The following CCDC192 variants were observed in gnomAD, a reference collection of about 807,000 sequenced individuals.
CCDC192 encodes coiled-coil domain-containing protein 192.
chr5:127,769,274 A>G (rs923018992), intron 3 of CCDC192, among the ~76,000 whole-genome samples: 1 of 152,232 alleles, frequency 6.6e-6, no homozygotes, highest in Non-Finnish European at 1.5e-5. Flanking sequence ...AAACGTATGA[A>G]TGGATGGTGC....
intron 5 of CCDC192, among the ~76,000 whole-genome samples, chr5:127,802,048 A>G (rs545256561): frequency 6.6e-6 from 1 of 152,282 alleles, no homozygotes; most frequent in Admixed American, 6.5e-5. Context: ...GTTAGGTTTC[A>G]GTTTGTTAAG....
At chr5:127,845,554 A>C (rs80122071) in intron 5 of CCDC192, among the ~76,000 whole-genome samples, 10,817 of 152,230 alleles carry the variant, frequency 0.071, 890 homozygotes, top group East Asian at 0.28. Context: ...TGAGGCTCAG[A>C]GGAAAAACAA....
Position 127,883,069 on chromosome 5 carries a change from C to T in CCDC192, c.535+7408C>T, listed in dbSNP as rs73785718. Among the ~76,000 whole-genome samples the T allele has an allele frequency of 4.2e-3, 647 of 152,334 alleles. 7 individuals are homozygous for T. The highest frequency in any genetic ancestry group is 0.015 in the African/African-American group (618 of 41,574). On this transcript the variant is annotated intron_variant, in intron 6 of 6. Transcript: ENST00000514853. The stretch of plus-strand genomic sequence containing the variant: ...GGACTTCGTCAAAAACCACTGCTCA[C>T]CATCATCAGACTTTATGGAGCTCAG...
chr5:127,763,016 A>G (rs1755015505), intron 3 of CCDC192, among the ~76,000 whole-genome samples: 1 of 151,592 alleles, frequency 6.6e-6, no homozygotes, highest in Non-Finnish European at 1.5e-5. Context: ...TTTGCAAATG[A>G]TGAAAGCTCT....
At chr5:127,870,060 G>T (rs1751781907) in intron 5 of CCDC192, among the ~76,000 whole-genome samples, 1 of 152,264 alleles carries the variant, frequency 6.6e-6, no homozygotes, top group East Asian at 1.9e-4. Flanking sequence ...ATAAGAAAAA[G>T]CTACGTCTTG....
intron 5 of CCDC192, among the ~76,000 whole-genome samples, chr5:127,832,122 C>T (rs977142702): frequency 6.6e-6 from 1 of 152,084 alleles, no homozygotes; most frequent in Non-Finnish European, 1.5e-5. Flanking sequence ...ACAAATAAAA[C>T]TGAATAGCTA....
chr5:127,784,710 G>T, intron 3 of CCDC192: 1 of 609,616 alleles, frequency 1.6e-6, no homozygotes, highest in Non-Finnish European at 3.0e-6. Context: ...TCAGGGACCC[G>T]GGATTTGAAC....
intron 5 of CCDC192, among the ~76,000 whole-genome samples, chr5:127,805,105 A>G (rs968107558): frequency 2.0e-5 from 3 of 152,144 alleles, no homozygotes; most frequent in Non-Finnish European, 2.9e-5. Flanking sequence ...CCACACTTCT[A>G]TGTGCTCTAG....
intron 2 of CCDC192, among the ~76,000 whole-genome samples, chr5:127,746,733 A>G (rs975178306): frequency 1.3e-5 from 2 of 151,948 alleles, no homozygotes; most frequent in Non-Finnish European, 2.9e-5. Context: ...TCCTCCCCTA[A>G]TGGCAAACTT....
At chr5:127,737,859 A>G (rs1464645905) in intron 2 of CCDC192, among the ~76,000 whole-genome samples, 1 of 152,120 alleles carries the variant, frequency 6.6e-6, no homozygotes, top group Non-Finnish European at 1.5e-5. Flanking sequence ...AATACAGCAC[A>G]CTGATGAGTC....
chr5:127,773,336 T>A (rs1755670648), intron 3 of CCDC192, among the ~76,000 whole-genome samples: 1 of 152,202 alleles, frequency 6.6e-6, no homozygotes. Context: ...CTGTCACATT[T>A]AGTGCATTCC....
intron 3 of CCDC192, chr5:127,786,707 A>G (rs1298428938): frequency 8.2e-6 from 6 of 734,648 alleles, no homozygotes; most frequent in South Asian, 7.3e-5. Flanking sequence ...ATTTCAGTAC[A>G]CTCTTGTCCA....
chr5:127,888,393 A>G (rs907442310), intron 6 of CCDC192, among the ~76,000 whole-genome samples: 1 of 152,022 alleles, frequency 6.6e-6, no homozygotes, highest in African/African-American at 2.4e-5. Context: ...TCCAGCCTTG[A>G]CAACAAAGTG....
At chr5:127,870,838 C>T (rs556035301) in intron 5 of CCDC192, among the ~76,000 whole-genome samples, 1 of 152,310 alleles carries the variant, frequency 6.6e-6, no homozygotes, top group African/African-American at 2.4e-5. Flanking sequence ...AATTCTATCA[C>T]TATTTATAAG....
At chr5:127,785,189 A>G (rs764543091) in intron 3 of CCDC192, 37 of 528,056 alleles carry the variant, frequency 7.0e-5, no homozygotes, top group Admixed American at 3.0e-4. Context: ...CCTTTAGACA[A>G]CTGATATAAC....
intron 5 of CCDC192, among the ~76,000 whole-genome samples, chr5:127,803,528 T>C (rs1757618147): frequency 6.6e-6 from 1 of 152,236 alleles, no homozygotes; most frequent in African/African-American, 2.4e-5. Flanking sequence ...GGACTAGGTA[T>C]CTTAATAAAA....
At chr5:127,752,655 C>A (rs1043670237) in intron 2 of CCDC192, among the ~76,000 whole-genome samples, 4 of 152,224 alleles carry the variant, frequency 2.6e-5, no homozygotes, top group Non-Finnish European at 4.4e-5. Flanking sequence ...TTAGAGCTTC[C>A]GGGCTGCTTT....
chr5:127,930,179 G>A (rs986337842), intron 6 of CCDC192, among the ~76,000 whole-genome samples: 2 of 152,116 alleles, frequency 1.3e-5, no homozygotes, highest in East Asian at 3.9e-4. Context: ...ACTTCAGCCT[G>A]GGTGATAGAG....
intron 5 of CCDC192, among the ~76,000 whole-genome samples, chr5:127,799,582 A>G (rs1031290135): frequency 6.6e-6 from 1 of 152,184 alleles, no homozygotes; most frequent in African/African-American, 2.4e-5. Context: ...AGAATTTTAT[A>G]TGGAGGGCAA....
Sources: allele counts gnomAD v4.1 joint callset (sites outside exome capture counted in the v4.1 genomes callset), GRCh38; gene constraint gnomAD v4.1.1; transcripts MANE v1.5; gene names NCBI Gene and HGNC (gene_info 2026-07-23, HGNC 2026-07-21).